BIRC6: variants seen among roughly 807,000 people sequenced by gnomAD.
The protein encoded by BIRC6 is baculoviral IAP repeat containing 6, also known as dual E2 ubiquitin-conjugating enzyme/E3 ubiquitin-protein ligase BIRC6.
A neutral mutation model predicts 503.3 loss-of-function variants in BIRC6; 98 were observed. The observed-to-expected ratio is 0.19, with a 90% CI of 0.17 to 0.23. BIRC6 has a LOEUF of 0.23. BIRC6 is among the 10% of genes least tolerant of loss of function. The pLI, the probability that BIRC6 is intolerant of heterozygous loss-of-function variation, is 1.00. For synonymous variants in BIRC6, 2,240 were observed against 2,078.7 expected (o/e 1.08, Z -2.11); for missense variants, 5,360 against 5,806.0 (o/e 0.92, Z 2.50).
intron 66 of BIRC6, among the ~76,000 whole-genome samples, chr2:32,585,882 T>A (rs1281953173): frequency 6.6e-6 from 1 of 152,238 alleles, no homozygotes; most frequent in Non-Finnish European, 1.5e-5. Flanking sequence ...CTTAGGTATA[T>A]ATTGATTTTT....
chr2:32,492,007 T>C (rs907563560), intron 44 of BIRC6, among the ~76,000 whole-genome samples: 1 of 152,182 alleles, frequency 6.6e-6, no homozygotes, highest in African/African-American at 2.4e-5. Context: ...ATTTTCTGTT[T>C]CACTGTAAAT....
chr2:32,516,542 A>G (rs1185475465), intron 55 of BIRC6, among the ~76,000 whole-genome samples: 2 of 150,148 alleles, frequency 1.3e-5, no homozygotes, highest in African/African-American at 2.4e-5. Flanking sequence ...AATGTGGAAG[A>G]TAATTTATCA....
At chr2:32,477,730 C>CAAA in intron 35 of BIRC6, 147 bp downstream of exon 35, 1 of 278,772 alleles carries the variant, frequency 3.6e-6, no homozygotes, top group Non-Finnish European at 6.0e-6. Flanking sequence ...AAAACCCCGT[C>CAAA]TCTACAAAAA....
At chr2:32,447,709 C>G (rs1400119951) in intron 21 of BIRC6, among the ~76,000 whole-genome samples, 1 of 96,858 alleles carries the variant, frequency 1.0e-5, no homozygotes, top group African/African-American at 4.3e-5. Flanking sequence ...GGGGCTGACC[C>G]CCCCCACCTC....
Position 32,515,296 on chromosome 2 carries a change from A to G in BIRC6, c.10875A>G (p.Gln3625=), listed in dbSNP as rs776822857. ...SSSQSPEAIK[Q]LLDSGLPSLL... is the part of the protein sequence containing the mutation. Reference sequence around the variant, plus strand: ...CTCAATCTCCTGAAGCTATTAAACAATTACTAGACTCAGGTTTGCCTTCTC... The same window carrying G: ...CTCAATCTCCTGAAGCTATTAAACAGTTACTAGACTCAGGTTTGCCTTCTC... Residue 3625 remains glutamine, a synonymous_variant, in exon 55 of 74, where the codon CAA becomes CAG. Transcript: ENST00000421745. 22 of 1,613,762 alleles carry G rather than the reference A, an allele frequency of 1.4e-5. No individual in the cohort carries two copies. Among genetic ancestry groups the G allele is most frequent in the Non-Finnish European group, 1.9e-5 (22 of 1,179,878 alleles).
At chr2:32,453,773 C>G in intron 22 of BIRC6, 35 bp from the exon 23 acceptor site, 1 of 1,601,502 alleles carries the variant, frequency 6.2e-7, no homozygotes, top group Non-Finnish European at 8.5e-7. Context: ...TAAAAATTAT[C>G]TTCACGTGTT....
At chr2:32,405,780 GGC>G (rs1422911163) in intron 8 of BIRC6, among the ~76,000 whole-genome samples, 1 of 152,204 alleles carries the variant, frequency 6.6e-6, no homozygotes, top group African/African-American at 2.4e-5. Context: ...TTTGGTTTTA[GGC>G]TGTCCTGAAT....
chr2:32,500,069 T>C lies in BIRC6; in HGVS notation c.8991T>C (p.Ala2997=). The change falls in exon 46 of 74, where the codon GCT becomes GCC. Residue 2997 remains alanine (A), a synonymous_variant. Transcript: ENST00000421745. ...NQQIMSQILS[A]LGLCNSSAMA... is the part of the protein sequence containing the mutation. ...AAATTATGAGCCAGATTTTGTCTGC[T>C]CTGGGCCTGTGTAATAGCAGTGCCA... 2 of 1,613,774 alleles carry C rather than the reference T, an allele frequency of 1.2e-6. No homozygotes were observed. The highest frequency in any genetic ancestry group is 1.1e-5 in the South Asian group (1 of 91,052).
intron 66 of BIRC6, among the ~76,000 whole-genome samples, chr2:32,585,950 CTG>C (rs1486311418): frequency 4.6e-5 from 7 of 152,130 alleles, no homozygotes; most frequent in African/African-American, 1.7e-4. Context: ...GAAAATGAAT[CTG>C]TTGCTTAGAA....
At chr2:32,407,732 T>C (rs1219358478) in intron 9 of BIRC6, among the ~76,000 whole-genome samples, 1 of 152,118 alleles carries the variant, frequency 6.6e-6, no homozygotes, top group Non-Finnish European at 1.5e-5. Flanking sequence ...TGGACAATTT[T>C]GGGTTAATCT....
At chr2:32,545,974 C>A in intron 63 of BIRC6, 114 bp downstream of exon 63, 1 of 921,104 alleles carries the variant, frequency 1.1e-6, no homozygotes, top group Non-Finnish European at 1.6e-6. Flanking sequence ...TCCATTTTCA[C>A]ATCTAAAAGG....
chr2:32,464,760 A>G lies in BIRC6; in HGVS notation c.5193A>G (p.Ser1731=), dbSNP rs754162097. 1.3e-5 allele frequency: 21 copies of G among 1,614,034 alleles called. No homozygotes were observed. The highest frequency in any genetic ancestry group is 1.8e-5 in the Non-Finnish European group (21 of 1,179,878). The part of the protein sequence containing the change: ...NAELAQLFPG[S]VIDPPAVNLA... ...AACTTGCACAGCTTTTCCCAGGCTC[A>G]GTCATTGATCCCCCAGCAGTCAATC... The change falls in exon 25 of 74, where the codon TCA becomes TCG. Residue 1731 remains serine (S), a synonymous_variant. Transcript: ENST00000421745.
At chr2:32,365,693 G>A (rs1032956651) in intron 1 of BIRC6, among the ~76,000 whole-genome samples, 1 of 151,964 alleles carries the variant, frequency 6.6e-6, no homozygotes, top group Non-Finnish European at 1.5e-5. Context: ...TAGGTAACAA[G>A]GTTAATTTGA....
chr2:32,483,700 G>A (rs1181203753), intron 39 of BIRC6, among the ~76,000 whole-genome samples: 2 of 152,142 alleles, frequency 1.3e-5, no homozygotes, highest in African/African-American at 4.8e-5. Context: ...AAGATGGCAG[G>A]CCAGTTATTT....
intron 64 of BIRC6, chr2:32,548,578 T>C (rs13014218): frequency 0.052 from 6,600 of 127,996 alleles, 281 homozygotes; most frequent in African/African-American, 0.13. Context: ...GGTCAGGAGT[T>C]TGAGACCAGC....
chr2:32,488,807 G>T (rs182910502), intron 42 of BIRC6, 93 bp downstream of exon 42: 47 of 908,032 alleles, frequency 5.2e-5, no homozygotes, highest in Admixed American at 1.5e-4. Flanking sequence ...TGTCATTAGG[G>T]GTTATAACAT....
intron 22 of BIRC6, chr2:32,449,198 A>G (rs550636968): frequency 6.9e-6 from 2 of 291,192 alleles, no homozygotes; most frequent in East Asian, 6.8e-5. Flanking sequence ...TGTGATTTTA[A>G]TGCTTATGAG....
At chr2:32,526,032 T>A (rs764638195) in intron 59 of BIRC6, among the ~76,000 whole-genome samples, 2 of 152,118 alleles carry the variant, frequency 1.3e-5, no homozygotes, top group Non-Finnish European at 2.9e-5. Context: ...TAAAACACAT[T>A]TATTGAGCAC....
intron 23 of BIRC6, among the ~76,000 whole-genome samples, chr2:32,456,890 G>A (rs1378119660): frequency 6.6e-6 from 1 of 152,022 alleles, no homozygotes; most frequent in Non-Finnish European, 1.5e-5. Flanking sequence ...ATTTAGAATG[G>A]TTGTGTCTTT....
Sources: allele counts gnomAD v4.1 joint callset (sites outside exome capture counted in the v4.1 genomes callset), GRCh38; gene constraint gnomAD v4.1.1; transcripts MANE v1.5; gene names NCBI Gene and HGNC (gene_info 2026-07-23, HGNC 2026-07-21).